CAST: variants seen among roughly 807,000 people sequenced by gnomAD.
CAST encodes calpastatin, also known as MIR583 host.
A neutral mutation model predicts 119.6 loss-of-function variants in CAST; 76 were observed. The observed-to-expected ratio is 0.64, with a 90% confidence interval of 0.53 to 0.77. The LOEUF (loss-of-function observed/expected upper bound fraction) is 0.77, where lower values mean the gene tolerates loss of function less well. Ranked by LOEUF, CAST falls within the 30% of genes least tolerant of loss-of-function variation. The pLI, the probability that CAST is intolerant of heterozygous loss-of-function variation, is 0.00. For synonymous variants in CAST, 319 were observed against 331.6 expected (o/e 0.96, Z 0.41); for missense variants, 953 against 946.5 (o/e 1.01, Z -0.09).
At chr5:96,042,348 T>C in the CAST span, among the ~76,000 whole-genome samples, 1 of 152,182 alleles carries the variant, frequency 6.6e-6, no homozygotes, top group South Asian at 2.1e-4. Flanking sequence ...TGGAAAAAGT[T>C]CCCAAATGAT....
the CAST span, among the ~76,000 whole-genome samples, chr5:96,035,919 G>C: frequency 6.6e-6 from 1 of 151,892 alleles, no homozygotes; most frequent in Admixed American, 6.6e-5. Context: ...CAGCTACTTT[G>C]GTATGATGAA....
chr5:96,216,646 C>G, the CAST span, among the ~76,000 whole-genome samples: 1 of 152,144 alleles, frequency 6.6e-6, no homozygotes, highest in African/African-American at 2.4e-5. Flanking sequence ...TTATATAATA[C>G]TTTTTAAAAT....
At chr5:96,366,574 C>A in the CAST span, among the ~76,000 whole-genome samples, 1 of 152,162 alleles carries the variant, frequency 6.6e-6, no homozygotes, top group Non-Finnish European at 1.5e-5. Context: ...TCATTTCATT[C>A]ATTTGATCTT....
chr5:95,967,491 C>T, the CAST span, among the ~76,000 whole-genome samples: 1 of 152,088 alleles, frequency 6.6e-6, no homozygotes. Flanking sequence ...ACCCAAATCT[C>T]ATCCTGAATT....
At chr5:96,271,067 G>T in the CAST span, among the ~76,000 whole-genome samples, 1 of 152,026 alleles carries the variant, frequency 6.6e-6, no homozygotes, top group Non-Finnish European at 1.5e-5. Flanking sequence ...TCCAGAAGCA[G>T]TTTAGCTGAA....
chr5:96,613,370 T>A (rs1747397066), intron 1 of CAST, among the ~76,000 whole-genome samples: 1 of 152,236 alleles, frequency 6.6e-6, no homozygotes, highest in African/African-American at 2.4e-5. Context: ...AATTTCATAC[T>A]TTTTTCATAT....
At chr5:96,403,199 C>T in the CAST span, among the ~76,000 whole-genome samples, 2 of 152,062 alleles carry the variant, frequency 1.3e-5, no homozygotes, top group Non-Finnish European at 2.9e-5. Context: ...TAAAAATTTC[C>T]TTTATCTAGT....
the CAST span, among the ~76,000 whole-genome samples, chr5:96,277,308 G>T: frequency 3.9e-5 from 6 of 152,000 alleles, no homozygotes; most frequent in African/African-American, 1.4e-4. Flanking sequence ...CACAAGCAAT[G>T]TCTAAATTCC....
chr5:96,071,058 T>C, the CAST span, among the ~76,000 whole-genome samples: 1 of 151,730 alleles, frequency 6.6e-6, no homozygotes, highest in Non-Finnish European at 1.5e-5. Context: ...AGGCAGGAGG[T>C]CATTGGTGGT....
the CAST span, among the ~76,000 whole-genome samples, chr5:96,300,027 G>T: frequency 6.6e-6 from 1 of 151,992 alleles, no homozygotes; most frequent in African/African-American, 2.4e-5. Context: ...CAAATGTATG[G>T]CTTGCAAATA....
chr5:95,995,358 AAT>A, the CAST span, among the ~76,000 whole-genome samples: 2 of 152,168 alleles, frequency 1.3e-5, no homozygotes, highest in Non-Finnish European at 1.5e-5. Context: ...GGTAAGAATC[AAT>A]AGTTACCTGC....
At chr5:95,989,045 GT>G in the CAST span, among the ~76,000 whole-genome samples, 1 of 152,154 alleles carries the variant, frequency 6.6e-6, no homozygotes, top group Non-Finnish European at 1.5e-5. Context: ...TGTTCCACTT[GT>G]GCTACTGTAC....
the CAST span, among the ~76,000 whole-genome samples, chr5:96,455,279 G>T: frequency 6.6e-6 from 1 of 152,108 alleles, no homozygotes; most frequent in African/African-American, 2.4e-5. Flanking sequence ...AAAAGTCAAA[G>T]ATTCTTTTCA....
the CAST span, among the ~76,000 whole-genome samples, chr5:96,376,225 T>C: frequency 6.6e-6 from 1 of 151,868 alleles, no homozygotes; most frequent in Non-Finnish European, 1.5e-5. Context: ...AAATTCCTAT[T>C]GTATAACAAT....
chr5:96,528,485 T>G (rs945264514), upstream of CAST, among the ~76,000 whole-genome samples: 1 of 152,080 alleles, frequency 6.6e-6, no homozygotes, highest in African/African-American at 2.4e-5. Flanking sequence ...GTATTTCCTG[T>G]GAGCAATATC....
the CAST span, among the ~76,000 whole-genome samples, chr5:96,156,862 T>A: frequency 6.6e-6 from 1 of 152,222 alleles, no homozygotes; most frequent in Admixed American, 6.5e-5. Flanking sequence ...TAGGGTGCCT[T>A]TGAACTGCCT....
the CAST span, among the ~76,000 whole-genome samples, chr5:96,241,221 C>T: frequency 9.4e-5 from 11 of 117,562 alleles, no homozygotes; most frequent in Admixed American, 1.2e-3. Flanking sequence ...CCTCCCCCCA[C>T]CCCACAACAG....
In CAST at chr5:96,748,608, A is replaced by G. The variant is rs759537265; in HGVS notation, c.1423A>G (p.Thr475Ala). 4 of 1,441,188 alleles carry G rather than the reference A, an allele frequency of 2.8e-6. No individual in the cohort carries two copies. In the South Asian group the frequency reaches 4.6e-5, roughly 17 times the overall value. 89.3% of individuals were successfully genotyped at this position (1,441,188 alleles called of 1,614,324 possible). Residue 475 changes from threonine to alanine, a missense_variant, in exon 19 of 32, where the codon ACA (threonine) becomes GCA (alanine). Coordinates refer to ENST00000675179, the MANE Select transcript of CAST (RefSeq NM_001750.7). ...KEKPSKPTEKTEESKAAAPAP... is the reference protein window; with the variant it reads ...KEKPSKPTEKAEESKAAAPAP... The stretch of plus-strand genomic sequence containing the variant: ...GAAACCATCTAAGCCAACTGAAAAG[A>G]CAGAAGTATGTTTCTAAACATATAA...
the CAST span, among the ~76,000 whole-genome samples, chr5:96,104,657 G>C: frequency 6.6e-6 from 1 of 151,298 alleles, no homozygotes; most frequent in African/African-American, 2.4e-5. Flanking sequence ...ATAGTTTGAA[G>C]TCAGGTAGTG....
Sources: allele counts gnomAD v4.1 joint callset (sites outside exome capture counted in the v4.1 genomes callset), GRCh38; gene constraint gnomAD v4.1.1; transcripts MANE v1.5; gene names NCBI Gene and HGNC (gene_info 2026-07-23, HGNC 2026-07-21).